AKAP12: variants seen among roughly 807,000 people sequenced by gnomAD.
The protein encoded by AKAP12 is A-kinase anchor protein 12.
A neutral mutation model predicts 79.9 loss-of-function variants in AKAP12; 32 were observed. The ratio of observed to expected loss-of-function variants is 0.40; its 90% CI spans 0.30 to 0.54. AKAP12 has a LOEUF of 0.54. Ranked by LOEUF, AKAP12 falls within the 20% of genes least tolerant of loss-of-function variation. AKAP12 has a pLI of 0.48. For synonymous variants in AKAP12, 808 were observed against 857.0 expected (o/e 0.94, Z 1.00); for missense variants, 2,074 against 2,177.0 (o/e 0.95, Z 0.94).
Position 151,350,023 on chromosome 6 carries a change from A to G in AKAP12, c.1632A>G (p.Ser544=), listed in dbSNP as rs200573142. 15 of 1,614,166 alleles carry G rather than the reference A, an allele frequency of 9.3e-6. No homozygotes were observed. Among genetic ancestry groups the G allele is most frequent in the Non-Finnish European group, 1.2e-5 (14 of 1,180,028 alleles). ...KGKRGGGDEE[S]GEHTQVPADS... is the part of the protein sequence containing the mutation. ...AAAGAGGAGGAGGAGACGAGGAATC[A>G]GGGGAGCACACTCAGGTTCCAGCCG... The change falls in exon 4 of 5, where the codon TCA becomes TCG. Residue 544 remains serine (S), a synonymous_variant. Transcript: ENST00000402676. This position sits in a 1 kb window ranked among gnomAD's most constrained non-coding sequence, Gnocchi z 4.8.
At chr6:151,299,712 A>G (rs9383566) in intron 2 of AKAP12, among the ~76,000 whole-genome samples, 42,533 of 150,836 alleles carry the variant, frequency 0.28, 6,323 homozygotes, top group East Asian at 0.43. Flanking sequence ...TTGCATGAAC[A>G]TTTCATAATT....
At chr6:151,299,256 G>C (rs940011389) in intron 2 of AKAP12, among the ~76,000 whole-genome samples, 1 of 152,176 alleles carries the variant, frequency 6.6e-6, no homozygotes, top group African/African-American at 2.4e-5. Flanking sequence ...TGGCCTGTTG[G>C]CCTAGATGAT....
intron 2 of AKAP12, among the ~76,000 whole-genome samples, chr6:151,286,069 G>A (rs1776500011): frequency 6.6e-6 from 1 of 152,102 alleles, no homozygotes; most frequent in African/African-American, 2.4e-5. Flanking sequence ...GTAGGGACGA[G>A]GTTTCACCAT....
chr6:151,333,484 C>T (rs542092109), intron 3 of AKAP12, among the ~76,000 whole-genome samples: 24 of 152,336 alleles, frequency 1.6e-4, no homozygotes, highest in Non-Finnish European at 3.1e-4. Flanking sequence ...GGCGCAGTGG[C>T]TCACGCCTGT....
Position 151,351,326 on chromosome 6 carries a change from G to T in AKAP12, c.2935G>T (p.Ala979Ser). 1.2e-6 allele frequency: 2 copies of T among 1,614,246 alleles called. No homozygotes were observed. The highest frequency in any genetic ancestry group is 1.7e-6 in the Non-Finnish European group (2 of 1,180,048). ...ATTGACCCCCGAAGCTGTGACAGCT[G>T]CAGAAACTGCAGGGCCATTGGGTGC... The part of the protein sequence containing the change: ...AELTPEAVTA[A>S]ETAGPLGAEE... The change falls in exon 4 of 5, where the codon GCA becomes TCA. Residue 979 changes from alanine (A) to serine (S), a missense_variant. Coordinates refer to ENST00000402676, the MANE Select transcript of AKAP12 (RefSeq NM_005100.4). This position sits in a 1 kb window ranked among gnomAD's most constrained non-coding sequence, Gnocchi z 4.4.
intron 3 of AKAP12, among the ~76,000 whole-genome samples, chr6:151,313,720 C>T (rs1024063774): frequency 5.3e-5 from 8 of 152,218 alleles, no homozygotes; most frequent in Non-Finnish European, 1.2e-4. Flanking sequence ...TTCACCCTTT[C>T]TCCCCTTCGT....
intron 2 of AKAP12, among the ~76,000 whole-genome samples, chr6:151,287,616 C>T (rs1008923866): frequency 1.3e-5 from 2 of 152,130 alleles, no homozygotes; most frequent in African/African-American, 2.4e-5. Flanking sequence ...CACCGTTGGT[C>T]GGAGTATAAA....
Position 151,349,497 on chromosome 6 carries a change from G to C in AKAP12, c.1106G>C (p.Arg369Pro). ...CCGGCAGAAAGTGCCCACGAGCCCC[G>C]GTTATCAGCTGAATATGAGAAAGTT... ...QEPAESAHEP[R>P]LSAEYEKVEL... is the part of the protein sequence containing the mutation. The change falls in exon 4 of 5, where the codon CGG (arginine) becomes CCG (proline). Residue 369 changes from arginine to proline, a missense_variant. Coordinates refer to ENST00000402676, the MANE Select transcript of AKAP12 (RefSeq NM_005100.4). 5 of 1,608,858 alleles carry C rather than the reference G, an allele frequency of 3.1e-6. No individual in the cohort carries two copies.
chr6:151,312,771 T>C (rs1178329346), intron 3 of AKAP12, among the ~76,000 whole-genome samples: 2 of 124,322 alleles, frequency 1.6e-5, no homozygotes, highest in Admixed American at 1.9e-4. Context: ...CAGCCTAGGC[T>C]ACAAGAGGGA....
intron 2 of AKAP12, among the ~76,000 whole-genome samples, chr6:151,267,749 G>T (rs566303828): frequency 6.6e-6 from 1 of 152,142 alleles, no homozygotes; most frequent in African/African-American, 2.4e-5. Context: ...AGACACCATC[G>T]CTATGTATCA....
At chr6:151,323,095 T>C (rs1473186499) in intron 3 of AKAP12, among the ~76,000 whole-genome samples, 1 of 152,200 alleles carries the variant, frequency 6.6e-6, no homozygotes, top group East Asian at 1.9e-4. Context: ...GACTTTTCTT[T>C]GTAAATGCAG....
chr6:151,323,859 C>T (rs1777459759), intron 3 of AKAP12: 1 of 985,274 alleles, frequency 1.0e-6, no homozygotes, highest in South Asian at 4.7e-5. Flanking sequence ...CTTGTGTTGT[C>T]CCCAACCACT....
chr6:151,245,163 G>A (rs1797045888), intron 2 of AKAP12, among the ~76,000 whole-genome samples: 1 of 152,028 alleles, frequency 6.6e-6, no homozygotes, highest in African/African-American at 2.4e-5. Flanking sequence ...CATATTCAGT[G>A]CTTAAAGAAC....
chr6:151,350,851 T>A lies in AKAP12; in HGVS notation c.2460T>A (p.Asp820Glu). Residue 820 changes from aspartate (D) to glutamate (E), a missense_variant, in exon 4 of 5, where the codon GAT (aspartate) becomes GAA (glutamate). This residue lies in a region of AKAP12 where 1,428 missense variants were observed against 1,451.0 expected (regional missense o/e 0.98). Coordinates refer to ENST00000402676, the MANE Select transcript of AKAP12 (RefSeq NM_005100.4). The surrounding 1 kb of genome is among the most constrained non-coding windows in gnomAD (Gnocchi z 4.8). ...FIPGRRKKRP[D>E]GKQEQAPVED... The stretch of plus-strand genomic sequence containing the variant: ...CTGGACGAAGGAAGAAAAGGCCAGA[T>A]GGGAAACAAGAACAAGCCCCTGTTG... 1 of 1,613,982 alleles carries A rather than the reference T, an allele frequency of 6.2e-7. No individual in the cohort carries two copies. The highest frequency in any genetic ancestry group is 8.5e-7 in the Non-Finnish European group (1 of 1,180,004).
Position 151,351,491 on chromosome 6 carries a change from G to T in AKAP12, c.3100G>T (p.Glu1034Ter). ...GGAAGGTGGCGTACCTGACATAGAA[G>T]AGCAAGAGAGGCGGACTCAAGAGGT... The part of the protein sequence containing the change: ...EVEGGVPDIE[E>*]QERRTQEVLQ... The change falls in exon 4 of 5, where the codon GAG (glutamate) becomes TAG (stop). Residue 1034 changes from glutamate (E) to a stop codon, truncating the protein, a stop_gained. Coordinates refer to ENST00000402676, the MANE Select transcript of AKAP12 (RefSeq NM_005100.4). LOFTEE classifies it high-confidence loss of function. The surrounding 1 kb of genome is among the most constrained non-coding windows in gnomAD (Gnocchi z 4.4). 6.2e-7 allele frequency: 1 copy of T among 1,614,186 alleles called. No individual in the cohort carries two copies. The highest frequency in any genetic ancestry group is 8.5e-7 in the Non-Finnish European group (1 of 1,180,028).
Position 151,352,377 on chromosome 6 carries a change from C to T in AKAP12, c.3986C>T (p.Pro1329Leu), listed in dbSNP as rs377596652. The T allele has an allele frequency of 6.6e-5, 106 of 1,614,160 alleles. No individual in the cohort carries two copies. In the East Asian group the frequency reaches 1.7e-3, roughly 26 times the overall value. ...GAACTGCAGAGTCACGCTAAGTCTC[C>T]TCCATCCCCCGTGGAGAGAGAGATG... Reference protein sequence around the residue: ...ALELQSHAKSPPSPVEREMVV... With the variant: ...ALELQSHAKSLPSPVEREMVV... Residue 1329 changes from proline (P) to leucine (L), a missense_variant, in exon 4 of 5, where the codon CCT becomes CTT. Physicochemically the swap from Pro to Leu is moderately conservative, Grantham distance 98. This residue lies in a region of AKAP12 where 614 missense variants were observed against 665.6 expected (regional missense o/e 0.92). Transcript: ENST00000402676.
intron 3 of AKAP12, among the ~76,000 whole-genome samples, chr6:151,335,009 A>G (rs1236880982): frequency 6.6e-6 from 1 of 152,178 alleles, no homozygotes. Context: ...AAGCTGTTCA[A>G]TACTGCCCTC....
In AKAP12 at chr6:151,257,577, G is replaced by A. The variant is rs533656179; in HGVS notation, c.162+16853G>A. On this transcript the variant is annotated intron_variant, in intron 2 of 4. Coordinates refer to ENST00000402676, the MANE Select transcript of AKAP12 (RefSeq NM_005100.4). ...TTCCCAAAATGCTGAGATTATAGGC[G>A]TGAGCCACTGCACCCAGCCTAGCTC... Among the ~76,000 whole-genome samples, 300 of 152,330 alleles carry A rather than the reference G, an allele frequency of 2.0e-3. 1 individual carries two copies. The highest frequency in any genetic ancestry group is 3.3e-3 in the Non-Finnish European group (225 of 68,038).
intron 3 of AKAP12, among the ~76,000 whole-genome samples, chr6:151,329,072 G>A (rs1214114128): frequency 2.0e-5 from 3 of 152,026 alleles, no homozygotes; most frequent in Non-Finnish European, 4.4e-5. Flanking sequence ...GTGACACGAT[G>A]ATCATCCCCT....
Sources: gnomAD v4.1 joint callset for allele counts (sites outside exome capture counted in the v4.1 genomes callset) on GRCh38, gnomAD v4.1.1 for gene constraint, gnomAD v4.1.1 regional missense constraint, Gnocchi (gnomAD v3.1) non-coding constraint, MANE v1.5 for transcripts, NCBI Gene and HGNC (gene_info 2026-07-23, HGNC 2026-07-21) for gene names.